Variants in RIMS1 observed in about 807,000 individuals in gnomAD.
RIMS1 encodes the protein regulating synaptic membrane exocytosis 1, also known as regulating synaptic membrane exocytosis protein 1.
In RIMS1, 83 loss-of-function variants were observed where a neutral mutation model predicts 214.1. The observed-to-expected ratio is 0.39, with a 90% CI of 0.32 to 0.47. RIMS1 has a LOEUF of 0.47. RIMS1 is among the 20% of genes least tolerant of loss of function. RIMS1 has a pLI of 0.99. For missense variants in RIMS1, 2,050 were observed against 2,161.8 expected, an observed-to-expected ratio of 0.95 and a Z score of 1.03; for synonymous variants, 793 against 786.8, an observed-to-expected ratio of 1.01 and a Z score of -0.13.
At chr6:72,381,737 A>G (rs557880970) in intron 29 of RIMS1, among the ~76,000 whole-genome samples, 1 of 152,236 alleles carries the variant, frequency 6.6e-6, no homozygotes, top group Non-Finnish European at 1.5e-5. Flanking sequence ...ATTTAAGTAG[A>G]TCTGACAGGC....
intron 2 of RIMS1, among the ~76,000 whole-genome samples, chr6:71,988,353 A>G (rs1800633554): frequency 6.6e-6 from 1 of 152,012 alleles, no homozygotes; most frequent in South Asian, 2.1e-4. Flanking sequence ...TTTTCATTCA[A>G]AATTCCATCC....
At chr6:72,211,375 T>C (rs2053781613) in intron 6 of RIMS1, among the ~76,000 whole-genome samples, 1 of 152,204 alleles carries the variant, frequency 6.6e-6, no homozygotes, top group Admixed American at 6.5e-5. Context: ...CCTATCAAAG[T>C]AAATTATGTA....
At chr6:71,897,326 GA>G (rs1450951623) in intron 1 of RIMS1, among the ~76,000 whole-genome samples, 5 of 152,040 alleles carry the variant, frequency 3.3e-5, no homozygotes, top group Non-Finnish European at 7.4e-5. Context: ...GCTGCCAGAG[GA>G]ATCTTTCTAA....
intron 1 of RIMS1, among the ~76,000 whole-genome samples, chr6:71,947,379 G>C (rs906785496): frequency 6.6e-6 from 1 of 151,992 alleles, no homozygotes; most frequent in African/African-American, 2.4e-5. Context: ...CCTTATAAAA[G>C]AAAATCCTGT....
intron 6 of RIMS1, among the ~76,000 whole-genome samples, chr6:72,193,508 T>G (rs916052698): frequency 6.6e-6 from 1 of 152,236 alleles, no homozygotes; most frequent in Non-Finnish European, 1.5e-5. Context: ...GGAGATTTGC[T>G]TATTTCAAAC....
intron 18 of RIMS1, 67 bp from the exon 19 acceptor site, chr6:72,260,638 A>G (rs1251240282): frequency 1.9e-6 from 3 of 1,588,558 alleles, no homozygotes; most frequent in African/African-American, 1.3e-5. Context: ...TTTCATTGGC[A>G]TACCATTGGC....
intron 23 of RIMS1, among the ~76,000 whole-genome samples, chr6:72,280,032 A>G (rs531361856): frequency 2.2e-4 from 34 of 152,066 alleles, no homozygotes; most frequent in African/African-American, 8.2e-4. Flanking sequence ...AGGCCAGAAA[A>G]TTATGCAGTT....
At chr6:72,265,120 A>G in intron 20 of RIMS1, 68 bp downstream of exon 20, 1 of 851,822 alleles carries the variant, frequency 1.2e-6, no homozygotes, top group Non-Finnish European at 1.8e-6. Flanking sequence ...TACTAAAAAT[A>G]GAAAATTCAC....
chr6:71,994,167 G>C (rs1451916959), intron 2 of RIMS1, among the ~76,000 whole-genome samples: 2 of 152,016 alleles, frequency 1.3e-5, no homozygotes, highest in South Asian at 2.1e-4. Flanking sequence ...TATCTCCCTT[G>C]TCATTTTCAA....
rs1227577863 is a variant in RIMS1, at chr6:71,982,121, CA to C, written c.245+13059del. ...AGAATAAAGGCATCTTTCATTTTAT[CA>C]CTTTGATTTTTCTAACTCTGCATTT... is the stretch of plus-strand genomic sequence containing the variant. On this transcript the variant is annotated intron_variant, in intron 2 of 33. Coordinates refer to ENST00000521978, the MANE Select transcript of RIMS1 (RefSeq NM_014989.7). Among the ~76,000 whole-genome samples the C allele has an allele frequency of 3.3e-5, 5 of 152,184 alleles. No homozygotes were observed. The East Asian group carries it at 7.7e-4, about 24-fold the overall frequency.
chr6:72,004,366 G>C (rs536276909), intron 2 of RIMS1, among the ~76,000 whole-genome samples: 2 of 151,986 alleles, frequency 1.3e-5, no homozygotes, highest in African/African-American at 2.4e-5. Context: ...ATGATTTATA[G>C]TCCTTTGGGT....
At chr6:72,147,299 CAG>C (rs1435306029) in intron 4 of RIMS1, among the ~76,000 whole-genome samples, 2 of 152,146 alleles carry the variant, frequency 1.3e-5, no homozygotes, top group African/African-American at 4.8e-5. Context: ...TATAACTACA[CAG>C]AGAGACAGAA....
chr6:72,070,333 T>A (rs978270949), intron 2 of RIMS1, among the ~76,000 whole-genome samples: 2 of 152,298 alleles, frequency 1.3e-5, no homozygotes, highest in Admixed American at 1.3e-4. Flanking sequence ...TATTATTACA[T>A]TGATGAACTC....
intron 2 of RIMS1, among the ~76,000 whole-genome samples, chr6:72,006,162 A>C (rs1219823837): frequency 6.6e-5 from 10 of 152,088 alleles, no homozygotes; most frequent in Admixed American, 5.9e-4. Context: ...TTCCATTCAT[A>C]AGGGCTCTGC....
intron 6 of RIMS1, among the ~76,000 whole-genome samples, chr6:72,200,241 T>C (rs2153991042): frequency 6.6e-6 from 1 of 152,226 alleles, no homozygotes; most frequent in East Asian, 1.9e-4. Flanking sequence ...TTTCTCTTCA[T>C]ATATTAATTT....
chr6:71,950,329 G>A (rs746879295), intron 1 of RIMS1, among the ~76,000 whole-genome samples: 5 of 152,054 alleles, frequency 3.3e-5, no homozygotes, highest in African/African-American at 7.2e-5. Context: ...ATCTCTAACC[G>A]TACACTTAAA....
chr6:72,036,800 A>C (rs1819736068), intron 2 of RIMS1, among the ~76,000 whole-genome samples: 2 of 152,206 alleles, frequency 1.3e-5, no homozygotes, highest in South Asian at 4.1e-4. Flanking sequence ...TCTAAAGTGC[A>C]GAGCTGTTAA....
At chr6:72,100,090 A>G in intron 4 of RIMS1, 104 bp downstream of exon 4, 2 of 889,638 alleles carry the variant, frequency 2.2e-6, no homozygotes, top group Non-Finnish European at 3.6e-6. Flanking sequence ...TTTCACAAGA[A>G]ATTATATACT....
At chr6:72,342,265 C>T (rs1187984316) in intron 29 of RIMS1, among the ~76,000 whole-genome samples, 2 of 151,782 alleles carry the variant, frequency 1.3e-5, no homozygotes, top group African/African-American at 4.8e-5. Context: ...CTGACCATCT[C>T]ATTCATCTCT....
Sources: allele counts gnomAD v4.1 joint callset (sites outside exome capture counted in the v4.1 genomes callset), GRCh38; gene constraint gnomAD v4.1.1; transcripts MANE v1.5; gene names NCBI Gene and HGNC (gene_info 2026-07-23, HGNC 2026-07-21).